MTUS2: variants seen among roughly 807,000 people sequenced by gnomAD.
The protein encoded by MTUS2 is microtubule associated scaffold protein 2, also known as microtubule-associated tumor suppressor candidate 2.
In MTUS2, 40 loss-of-function variants were observed where a neutral mutation model predicts 114.1. The ratio of observed to expected loss-of-function variants is 0.35; its 90% CI spans 0.27 to 0.46. The LOEUF (loss-of-function observed/expected upper bound fraction) is 0.46, where lower values mean the gene tolerates loss of function less well. MTUS2 is among the 20% of genes least tolerant of loss of function. The pLI is 1.00. For synonymous variants in MTUS2, 688 were observed against 672.0 expected, an observed-to-expected ratio of 1.02 and a Z score of -0.37; for missense variants, 1,679 against 1,705.4, an observed-to-expected ratio of 0.98 and a Z score of 0.27.
chr13:29,389,349 G>GTATGTATGTA (rs1373563702), intron 8 of MTUS2, among the ~76,000 whole-genome samples: 1 of 78,368 alleles, frequency 1.3e-5, no homozygotes, highest in Non-Finnish European at 2.5e-5. Flanking sequence ...ATGCACGTGT[G>GTATGTATGTA]TGTATATATG....
chr13:29,465,897 AGCCAGGGCTG>A lies in MTUS2; in HGVS notation c.3185-14252_3185-14243del, dbSNP rs1464669348. Among the ~76,000 whole-genome samples, 9 of 152,382 alleles carry A rather than the reference AGCCAGGGCTG, an allele frequency of 5.9e-5. No individual in the cohort carries two copies. In the East Asian group the frequency reaches 1.7e-3, roughly 29 times the overall value. On this transcript the variant is annotated intron_variant, in intron 9 of 15. Transcript: ENST00000612955. ...TAGAACAGTCTGCCTGCTGGCAGGA[AGCCAGGGCTG>A]CATGGAGAAACCGCAACCATGAGTG...
chr13:29,300,087 C>T (rs1483588957), intron 6 of MTUS2, among the ~76,000 whole-genome samples: 3 of 152,104 alleles, frequency 2.0e-5, no homozygotes, highest in Admixed American at 6.5e-5. Context: ...GGAAAAGATC[C>T]ATTTATCTTT....
intron 2 of MTUS2, among the ~76,000 whole-genome samples, chr13:28,938,012 C>T (rs1028424906): frequency 6.6e-6 from 1 of 152,154 alleles, no homozygotes; most frequent in Non-Finnish European, 1.5e-5. Context: ...AGGATGCTTC[C>T]CTAATCCAAT....
At chr13:29,143,632 G>A (rs1046802083) in intron 5 of MTUS2, among the ~76,000 whole-genome samples, 5 of 152,174 alleles carry the variant, frequency 3.3e-5, no homozygotes, top group Non-Finnish European at 7.3e-5. Flanking sequence ...TTTCCTCATA[G>A]AATGGAGTTG....
intron 4 of MTUS2, among the ~76,000 whole-genome samples, chr13:29,098,310 TATG>T (rs1291683094): frequency 6.6e-6 from 1 of 152,236 alleles, no homozygotes; most frequent in Non-Finnish European, 1.5e-5. Context: ...TGAAGGCGTG[TATG>T]ATATTCATGA....
At chr13:29,422,816 G>A (rs1454733234) in intron 8 of MTUS2, among the ~76,000 whole-genome samples, 1 of 151,956 alleles carries the variant, frequency 6.6e-6, no homozygotes, top group Non-Finnish European at 1.5e-5. Flanking sequence ...ATTTTTAATA[G>A]AGACAGGGTT....
intron 5 of MTUS2, among the ~76,000 whole-genome samples, chr13:29,121,184 G>T (rs543971725): frequency 6.6e-6 from 1 of 152,280 alleles, no homozygotes; most frequent in African/African-American, 2.4e-5. Flanking sequence ...ACTATCTTAG[G>T]ATGAGCTCAA....
intron 5 of MTUS2, among the ~76,000 whole-genome samples, chr13:29,247,253 C>T (rs1369041242): frequency 1.3e-5 from 2 of 152,140 alleles, no homozygotes; most frequent in African/African-American, 2.4e-5. Flanking sequence ...TTACCTTATA[C>T]AAAAATCAAC....
intron 6 of MTUS2, among the ~76,000 whole-genome samples, chr13:29,317,432 C>CTTTTTTTTTTTTTTTTT (rs552766235): frequency 1.9e-5 from 1 of 51,676 alleles, no homozygotes; most frequent in African/African-American, 6.6e-5. Context: ...CTCTCTCTCT[C>CTTTTTTTTTTTTTTTTT]TTTTTTTTTT....
chr13:29,394,955 T>G (rs950999470), intron 8 of MTUS2, among the ~76,000 whole-genome samples: 2 of 152,132 alleles, frequency 1.3e-5, no homozygotes, highest in African/African-American at 4.8e-5. Context: ...ATTGCCCCTT[T>G]CACGAAATCA....
At position 29,235,063 on chromosome 13, in the gene MTUS2, G is replaced by A. The variant is rs1896481236; in HGVS notation, c.2645-46641G>A. Among the ~76,000 whole-genome samples, 2 of 151,688 alleles carry A rather than the reference G, an allele frequency of 1.3e-5. 1 individual carries two copies. The highest frequency in any genetic ancestry group is 4.2e-4 in the South Asian group (2 of 4,804). On this transcript the variant is annotated intron_variant, in intron 5 of 15. Transcript: ENST00000612955. ...TATGTTAATATCATCTGCAAGTAATGGTAATTTTTCAAATTTAATTTAGTT... is the reference window on the plus strand; with the variant it reads ...TATGTTAATATCATCTGCAAGTAATAGTAATTTTTCAAATTTAATTTAGTT...
rs144445966 is a variant in MTUS2, at chr13:29,094,502, A to G, written c.2447-6271A>G. On this transcript the variant is annotated intron_variant, in intron 4 of 15. Coordinates refer to ENST00000612955, the MANE Select transcript of MTUS2 (RefSeq NM_001033602.4). ...CAGTTGTTCATAGTACAATATTCCC[A>G]TATGATCCTGCAAAATAAGTGGTGA... Among the ~76,000 whole-genome samples, 664 of 152,180 alleles carry G rather than the reference A, an allele frequency of 4.4e-3. 4 individuals are homozygous for G. The highest frequency in any genetic ancestry group is 0.014 in the Middle Eastern group (4 of 294).
At chr13:29,407,346 TTCTC>T (rs774309789) in intron 8 of MTUS2, among the ~76,000 whole-genome samples, 1 of 152,288 alleles carries the variant, frequency 6.6e-6, no homozygotes. Flanking sequence ...GTGCAAAAGT[TTCTC>T]TCTAAAGTAT....
chr13:28,931,777 C>G (rs1017842585), intron 2 of MTUS2, among the ~76,000 whole-genome samples: 6 of 152,026 alleles, frequency 3.9e-5, no homozygotes, highest in African/African-American at 1.5e-4. Context: ...GTGCTGCACC[C>G]ATTAACTGGT....
At chr13:29,095,959 CT>C (rs1890161837) in intron 4 of MTUS2, among the ~76,000 whole-genome samples, 2 of 151,950 alleles carry the variant, frequency 1.3e-5, no homozygotes. Context: ...ACTGCTGGGT[CT>C]TTTCATAGGC....
intron 2 of MTUS2, among the ~76,000 whole-genome samples, chr13:28,875,283 C>T (rs1319591920): frequency 1.3e-5 from 2 of 151,448 alleles, no homozygotes; most frequent in Non-Finnish European, 2.9e-5. Flanking sequence ...TAGAGAACCT[C>T]CAAACTTAGA....
At chr13:28,938,634 C>T (rs370060051) in intron 2 of MTUS2, among the ~76,000 whole-genome samples, 1 of 151,932 alleles carries the variant, frequency 6.6e-6, no homozygotes, top group African/African-American at 2.4e-5. Flanking sequence ...GTATGAGATG[C>T]CCCCAAATTC....
At chr13:29,002,402 C>G (rs556391325) in intron 2 of MTUS2, among the ~76,000 whole-genome samples, 1 of 152,192 alleles carries the variant, frequency 6.6e-6, no homozygotes, top group African/African-American at 2.4e-5. Context: ...ACAATTGATA[C>G]ACTATATACC....
rs59958046 is a variant in MTUS2 at position 29,495,914 on chromosome 13, ATGTGTG to A, written c.3580-1308_3580-1303del. On this transcript the variant is annotated intron_variant, in intron 12 of 15. Transcript: ENST00000612955. ...TCTTTTTCTCTCTCTCTCTCTTTAT[ATGTGTG>A]TGTGTGTGTGTGTGTATCTATATAT... Among the ~76,000 whole-genome samples, 91 of 148,414 alleles carry A rather than the reference ATGTGTG, an allele frequency of 6.1e-4. 2 individuals are homozygous for A. The Middle Eastern group carries it at 0.021, about 34-fold the overall frequency.
Sources: gnomAD v4.1 joint callset for allele counts (sites outside exome capture counted in the v4.1 genomes callset) on GRCh38, gnomAD v4.1.1 for gene constraint, MANE v1.5 for transcripts, NCBI Gene and HGNC (gene_info 2026-07-23, HGNC 2026-07-21) for gene names.